CAMK2A: variants seen among roughly 807,000 people sequenced by gnomAD.
CAMK2A encodes calcium/calmodulin dependent protein kinase II alpha, also known as calcium/calmodulin-dependent protein kinase type II subunit alpha.
In CAMK2A, 7 loss-of-function variants were observed where a neutral mutation model predicts 79.2. The ratio of observed to expected loss-of-function variants is 0.09; its 90% CI spans 0.05 to 0.17. The LOEUF is 0.17. CAMK2A is among the 10% of genes least tolerant of loss of function. CAMK2A has a pLI of 1.00. For missense variants in CAMK2A, 214 were observed against 646.4 expected (o/e 0.33, Z 7.25); for synonymous variants, 242 against 251.7 (o/e 0.96, Z 0.36).
intron 1 of CAMK2A, among the ~76,000 whole-genome samples, chr5:150,280,897 G>GTT (rs1364931569): frequency 1.1e-4 from 17 of 152,152 alleles, no homozygotes; most frequent in African/African-American, 4.1e-4. Context: ...GGGGCCATTA[G>GTT]CTGTGATCTC....
chr5:150,233,182 T>G (rs1754918524), intron 15 of CAMK2A, among the ~76,000 whole-genome samples: 2 of 152,214 alleles, frequency 1.3e-5, no homozygotes, highest in Non-Finnish European at 2.9e-5. Flanking sequence ...CCAGGCCATG[T>G]GCTATGTGCT....
chr5:150,248,535 T>C (rs565527541), intron 11 of CAMK2A, among the ~76,000 whole-genome samples: 18 of 134,728 alleles, frequency 1.3e-4, no homozygotes, highest in African/African-American at 4.7e-4. Context: ...CCTTCCTGTG[T>C]CCAAGTGTTC....
Position 150,256,720 on chromosome 5 carries a change from G to A in CAMK2A, c.338+46C>T, listed in dbSNP as rs745567047. 4 of 1,609,296 alleles carry A rather than the reference G, an allele frequency of 2.5e-6. No individual in the cohort carries two copies. Among genetic ancestry groups the A allele is most frequent in the Non-Finnish European group, 3.4e-6 (4 of 1,175,712 alleles). On this transcript the variant is annotated intron_variant, in intron 5 of 18. Coordinates refer to ENST00000671881, the MANE Select transcript of CAMK2A (RefSeq NM_015981.4). The surrounding 1 kb of genome is among the most constrained non-coding windows in gnomAD (Gnocchi z 4.6). ...CCTGGGAAGCTGACAGCAGGCAAGA[G>A]TGCCCTGTCCCCGGGTGCCATTGCC... is the stretch of plus-strand genomic sequence containing the variant.
At chr5:150,243,794 TGAA>T (rs1755446954) in intron 13 of CAMK2A, among the ~76,000 whole-genome samples, 1 of 150,566 alleles carries the variant, frequency 6.6e-6, no homozygotes, top group Non-Finnish European at 1.5e-5. Context: ...ATTGCATGAA[TGAA>T]GAAGCGCAGG....
At chr5:150,236,419 C>A (rs993913049) in intron 15 of CAMK2A, among the ~76,000 whole-genome samples, 9 of 152,200 alleles carry the variant, frequency 5.9e-5, no homozygotes, top group African/African-American at 2.2e-4. Flanking sequence ...CTTCTCTGGG[C>A]CAAACACTAC....
chr5:150,239,274 C>T (rs965904874), intron 14 of CAMK2A, among the ~76,000 whole-genome samples: 1 of 152,144 alleles, frequency 6.6e-6, no homozygotes, highest in Non-Finnish European at 1.5e-5. Flanking sequence ...CTGCCACCGG[C>T]GGGCCTGGTA....
chr5:150,226,747 G>GAA (rs1562131945), intron 17 of CAMK2A, among the ~76,000 whole-genome samples: 2 of 100,248 alleles, frequency 2.0e-5, no homozygotes, highest in East Asian at 4.7e-4. Flanking sequence ...AAAAAAAAGG[G>GAA]GGGGGGGGGA....
chr5:150,246,208 C>G (rs1755562428), intron 12 of CAMK2A, among the ~76,000 whole-genome samples: 1 of 152,212 alleles, frequency 6.6e-6, no homozygotes, highest in Admixed American at 6.5e-5. Flanking sequence ...ACATTTCCAC[C>G]TATGACCCCT....
In CAMK2A at chr5:150,221,589, G is replaced by A; in HGVS notation, c.*1121C>T. The A allele has an allele frequency of 2.5e-6, 1 of 398,656 alleles. No homozygotes were observed. The highest frequency in any genetic ancestry group is 4.4e-6 in the Non-Finnish European group (1 of 226,042). 24.7% of individuals were successfully genotyped at this position (398,656 alleles called of 1,614,324 possible). On this transcript the variant is annotated 3_prime_UTR_variant, in exon 19 of 19. Transcript: ENST00000671881. Reference sequence around the variant, plus strand: ...CTCCTCCTCTCTGCCCTGACTTGCTGTTCCTGAGTCAGTGCTGGCATCTGA... The same window carrying A: ...CTCCTCCTCTCTGCCCTGACTTGCTATTCCTGAGTCAGTGCTGGCATCTGA...
Position 150,222,651 on chromosome 5 carries a change from A to G in CAMK2A, c.*59T>C. ...TCCACCTGGGAGAACCAGCAGCTCC[A>G]CTCCACGGACAGAGTGGATCTCTGC... On this transcript the variant is annotated 3_prime_UTR_variant, in exon 19 of 19. Coordinates refer to ENST00000671881, the MANE Select transcript of CAMK2A (RefSeq NM_015981.4). 8.8e-6 allele frequency: 14 copies of G among 1,599,984 alleles called. No homozygotes were observed. Among genetic ancestry groups the G allele is most frequent in the Non-Finnish European group, 1.2e-5 (14 of 1,167,950 alleles).
At chr5:150,249,345 C>T (rs890956374) in intron 11 of CAMK2A, among the ~76,000 whole-genome samples, 1 of 152,246 alleles carries the variant, frequency 6.6e-6, no homozygotes, top group African/African-American at 2.4e-5. Flanking sequence ...GCCACAATCA[C>T]TGTCTGAGTG....
At chr5:150,264,849 A>G in intron 3 of CAMK2A, 107 bp downstream of exon 3, 1 of 805,970 alleles carries the variant, frequency 1.2e-6, no homozygotes, top group Non-Finnish European at 2.2e-6. Flanking sequence ...CCATCCCCAG[A>G]GAAGAGAGCA....
chr5:150,245,884 C>T (rs1458562448), intron 12 of CAMK2A, among the ~76,000 whole-genome samples: 1 of 152,230 alleles, frequency 6.6e-6, no homozygotes, highest in Non-Finnish European at 1.5e-5. Flanking sequence ...TTTCCCCTTA[C>T]CTCCCTCCTC....
In CAMK2A at chr5:150,260,747, G is replaced by T. The variant is rs1756272597; in HGVS notation, c.218-3130C>A. Among the ~76,000 whole-genome samples the T allele has an allele frequency of 2.0e-5, 3 of 152,088 alleles. No homozygotes were observed. The South Asian group carries it at 6.3e-4, about 32-fold the overall frequency. ...ATTAAATGTTAATTCTAGATGTGAG[G>T]TTATAGAAGATACTTTAAAAAGTAT... On this transcript the variant is annotated intron_variant, in intron 3 of 18. Transcript: ENST00000671881.
At chr5:150,289,282 G>C (rs1012569511) in intron 1 of CAMK2A, among the ~76,000 whole-genome samples, 1 of 152,310 alleles carries the variant, frequency 6.6e-6, no homozygotes, top group Admixed American at 6.5e-5. Context: ...GTGTGTACTT[G>C]TGTGCATTTT....
rs1754373136 is a variant in CAMK2A at position 150,222,657 on chromosome 5, CGG to C, written c.*51_*52del. The C allele has an allele frequency of 8.7e-6, 14 of 1,600,592 alleles. No individual in the cohort carries two copies. Among genetic ancestry groups the C allele is most frequent in the Non-Finnish European group, 1.1e-5 (13 of 1,168,510 alleles). On this transcript the variant is annotated 3_prime_UTR_variant, in exon 19 of 19. Transcript: ENST00000671881. ...TGGGAGAACCAGCAGCTCCACTCCA[CGG>C]ACAGAGTGGATCTCTGCGGCACAGC... is the stretch of plus-strand genomic sequence containing the variant.
At chr5:150,262,495 C>T (rs922857538) in intron 3 of CAMK2A, among the ~76,000 whole-genome samples, 3 of 152,152 alleles carry the variant, frequency 2.0e-5, no homozygotes, top group African/African-American at 4.8e-5. Context: ...GCTCTGCTTT[C>T]CAGTCCCGCC....
intron 13 of CAMK2A, among the ~76,000 whole-genome samples, chr5:150,242,196 G>T (rs1755377802): frequency 6.6e-6 from 1 of 152,156 alleles, no homozygotes; most frequent in South Asian, 2.1e-4. Flanking sequence ...AACTTCCCTG[G>T]ATCACAAACG....
chr5:150,280,451 G>C (rs892342472), intron 1 of CAMK2A, among the ~76,000 whole-genome samples: 8 of 151,648 alleles, frequency 5.3e-5, no homozygotes, highest in African/African-American at 1.9e-4. Flanking sequence ...CCTTTCTCTC[G>C]ACCCAGCAGC....
Sources: gnomAD v4.1 joint callset for allele counts (sites outside exome capture counted in the v4.1 genomes callset) on GRCh38, gnomAD v4.1.1 for gene constraint, Gnocchi (gnomAD v3.1) non-coding constraint, MANE v1.5 for transcripts, NCBI Gene and HGNC (gene_info 2026-07-23, HGNC 2026-07-21) for gene names.